Variants in TRPM3 observed in about 807,000 individuals in gnomAD.
The protein encoded by TRPM3 is transient receptor potential cation channel subfamily M member 3, also known as long transient receptor potential channel 3.
A neutral mutation model predicts 181.2 loss-of-function variants in TRPM3; 77 were observed. The observed-to-expected ratio is 0.42, with a 90% CI of 0.35 to 0.51. The LOEUF (loss-of-function observed/expected upper bound fraction) is 0.51. Among genes scored for constraint, TRPM3 ranks in the 20% least tolerant of loss-of-function variants. The pLI, the probability that TRPM3 is intolerant of heterozygous loss-of-function variation, is 0.01. For missense variants in TRPM3, 1,759 were observed against 2,196.7 expected (o/e 0.80, Z 3.98); for synonymous variants, 745 against 796.4 (o/e 0.94, Z 1.09).
At chr9:70,941,755 G>C (rs971659145) in intron 1 of TRPM3, among the ~76,000 whole-genome samples, 3 of 152,180 alleles carry the variant, frequency 2.0e-5, no homozygotes, top group African/African-American at 7.2e-5. Context: ...ACCCAGAGGG[G>C]TTGGATTGTA....
At chr9:70,582,280 T>C (rs1337438585) in intron 22 of TRPM3, among the ~76,000 whole-genome samples, 1 of 152,146 alleles carries the variant, frequency 6.6e-6, no homozygotes, top group African/African-American at 2.4e-5. Context: ...ACATAGCTTC[T>C]TTTCATCATC....
intron 1 of TRPM3, among the ~76,000 whole-genome samples, chr9:71,013,971 G>T (rs1298018879): frequency 1.3e-5 from 2 of 151,526 alleles, no homozygotes; most frequent in Non-Finnish European, 3.0e-5. Context: ...GCTTTCTTTT[G>T]ATTTATTCCC....
intron 1 of TRPM3, among the ~76,000 whole-genome samples, chr9:70,945,586 C>T (rs189859611): frequency 6.6e-6 from 1 of 152,234 alleles, no homozygotes; most frequent in East Asian, 1.9e-4. Context: ...ACCAACTCCC[C>T]AAATTTCCCA....
intron 14 of TRPM3, among the ~76,000 whole-genome samples, chr9:70,624,080 C>A (rs11142514): frequency 0.17 from 25,807 of 152,108 alleles, 2,906 homozygotes; most frequent in East Asian, 0.48. Flanking sequence ...GTACTCCCCC[C>A]ACCTCCACCA....
At chr9:71,351,240 A>G (rs2091604707) in intron 1 of TRPM3, among the ~76,000 whole-genome samples, 1 of 152,222 alleles carries the variant, frequency 6.6e-6, no homozygotes, top group African/African-American at 2.4e-5. Context: ...TGTTGGCTTT[A>G]TTATGGCTAA....
intron 1 of TRPM3, among the ~76,000 whole-genome samples, chr9:70,886,304 C>T (rs1478666249): frequency 3.3e-5 from 5 of 152,136 alleles, no homozygotes; most frequent in Admixed American, 6.6e-5. Flanking sequence ...GTAGATATTA[C>T]GTGGAGCATC....
At chr9:71,195,571 T>G (rs1490685016) in intron 1 of TRPM3, among the ~76,000 whole-genome samples, 3 of 152,040 alleles carry the variant, frequency 2.0e-5, no homozygotes, top group African/African-American at 7.2e-5. Flanking sequence ...GAGCTAAAAA[T>G]AGAACTACCA....
At chr9:71,120,492 T>G (rs1289765747) in intron 1 of TRPM3, among the ~76,000 whole-genome samples, 1 of 152,208 alleles carries the variant, frequency 6.6e-6, no homozygotes, top group Non-Finnish European at 1.5e-5. Context: ...CGGTGGCAAT[T>G]CCTGCTCAGG....
intron 1 of TRPM3, among the ~76,000 whole-genome samples, chr9:71,090,537 A>G (rs908497144): frequency 6.6e-5 from 10 of 152,100 alleles, no homozygotes; most frequent in African/African-American, 2.4e-4. Flanking sequence ...GGTGTCCCCT[A>G]AGAGACGCTT....
At chr9:71,125,443 C>T (rs749549864), upstream of TRPM3, among the ~76,000 whole-genome samples, 67 of 152,116 alleles carry the variant, frequency 4.4e-4, no homozygotes, top group Non-Finnish European at 7.6e-4. Context: ...GGGAACATAA[C>T]GGTGTTTGGT....
At chr9:71,052,816 G>A (rs187279922) in intron 1 of TRPM3, among the ~76,000 whole-genome samples, 3 of 151,978 alleles carry the variant, frequency 2.0e-5, no homozygotes, top group Admixed American at 1.3e-4. Context: ...CAAGCAAAGC[G>A]TATCTCACTT....
intron 1 of TRPM3, among the ~76,000 whole-genome samples, chr9:70,973,155 C>G (rs1484801928): frequency 2.0e-5 from 3 of 152,118 alleles, no homozygotes. Context: ...TAATGCTTAC[C>G]ATGTACAATC....
At chr9:71,221,720 G>A (rs1231174837) in intron 1 of TRPM3, among the ~76,000 whole-genome samples, 4 of 152,084 alleles carry the variant, frequency 2.6e-5, no homozygotes, top group East Asian at 3.9e-4. Context: ...GCCAGGTCAC[G>A]GGACTAAACA....
intron 1 of TRPM3, among the ~76,000 whole-genome samples, chr9:71,132,794 A>G (rs1242308258): frequency 6.6e-6 from 1 of 152,198 alleles, no homozygotes; most frequent in Non-Finnish European, 1.5e-5. Flanking sequence ...ATACAGTTTA[A>G]TACACTTATT....
chr9:70,583,336 C>T (rs994693444), intron 22 of TRPM3, among the ~76,000 whole-genome samples: 4 of 152,172 alleles, frequency 2.6e-5, no homozygotes, highest in African/African-American at 9.7e-5. Flanking sequence ...CGGGCTCAGG[C>T]TACATGGTGT....
chr9:71,043,959 C>T (rs1304039795), intron 1 of TRPM3, among the ~76,000 whole-genome samples: 1 of 152,032 alleles, frequency 6.6e-6, no homozygotes, highest in Non-Finnish European at 1.5e-5. Flanking sequence ...TTGAGACTTC[C>T]CCTGCTTATT....
intron 1 of TRPM3, among the ~76,000 whole-genome samples, chr9:71,147,048 C>T (rs1022730529): frequency 3.9e-5 from 6 of 152,170 alleles, no homozygotes; most frequent in African/African-American, 1.4e-4. Context: ...AAAGACCTGA[C>T]AACATTGCTT....
intron 1 of TRPM3, among the ~76,000 whole-genome samples, chr9:71,319,721 T>C (rs536993441): frequency 1.3e-5 from 2 of 152,098 alleles, no homozygotes; most frequent in African/African-American, 2.4e-5. Context: ...TAAATTAATA[T>C]AATATTATTC....
intron 1 of TRPM3, among the ~76,000 whole-genome samples, chr9:71,373,940 C>CT (rs2092599155): frequency 1.3e-5 from 2 of 152,212 alleles, no homozygotes; most frequent in African/African-American, 4.8e-5. Context: ...ATCAAGCTGA[C>CT]TTGAAATCCG....
Sources: allele counts gnomAD v4.1 joint callset (sites outside exome capture counted in the v4.1 genomes callset), GRCh38; gene constraint gnomAD v4.1.1; transcripts MANE v1.5; gene names NCBI Gene and HGNC (gene_info 2026-07-23, HGNC 2026-07-21).